Variants in ACVR1C observed in about 807,000 individuals in gnomAD.
ACVR1C encodes activin A receptor type 1C, also known as activin receptor type-1C.
ACVR1C carries 23 observed loss-of-function variants against 57.9 expected under a neutral mutation model. The observed-to-expected ratio is 0.40, with a 90% confidence interval of 0.29 to 0.56. ACVR1C has a LOEUF of 0.56. ACVR1C is among the 20% of genes least tolerant of loss of function. The probability of loss-of-function intolerance (pLI) is 0.50; values close to 1 mark genes in which losing one functional copy is unlikely to be tolerated. For synonymous variants in ACVR1C, 214 were observed against 215.3 expected, an observed-to-expected ratio of 0.99 and a Z score of 0.05; for missense variants, 480 against 607.9, an observed-to-expected ratio of 0.79 and a Z score of 2.21.
At chr2:157,628,089 T>C (rs1682943544) in intron 1 of ACVR1C, among the ~76,000 whole-genome samples, 1 of 151,986 alleles carries the variant, frequency 6.6e-6, no homozygotes, top group Admixed American at 6.5e-5. Flanking sequence ...ATTCCCCGCC[T>C]CCTAAAACTC....
At chr2:157,544,218 T>C (rs2105209553) in intron 5 of ACVR1C, among the ~76,000 whole-genome samples, 1 of 148,888 alleles carries the variant, frequency 6.7e-6, no homozygotes, top group South Asian at 2.1e-4. Flanking sequence ...TTTTTTTTTT[T>C]TTTTTTGGTA....
chr2:157,574,408 G>A (rs1688595711), intron 2 of ACVR1C, among the ~76,000 whole-genome samples: 1 of 152,108 alleles, frequency 6.6e-6, no homozygotes, highest in South Asian at 2.1e-4. Context: ...ACCTAATCAA[G>A]TCAAAAGACT....
intron 1 of ACVR1C, among the ~76,000 whole-genome samples, chr2:157,615,862 T>A (rs1471631307): frequency 6.6e-6 from 1 of 152,230 alleles, no homozygotes; most frequent in Admixed American, 6.5e-5. Flanking sequence ...AGAAGTCTGC[T>A]GCAATTCTTA....
At chr2:157,610,265 C>T (rs1360112260) in intron 1 of ACVR1C, among the ~76,000 whole-genome samples, 1 of 152,100 alleles carries the variant, frequency 6.6e-6, no homozygotes, top group Non-Finnish European at 1.5e-5. Flanking sequence ...ATTTGCTTAT[C>T]TAAGAAGGAC....
chr2:157,534,140 C>A, intron 8 of ACVR1C, 97 bp from the exon 9 acceptor site: 3 of 840,198 alleles, frequency 3.6e-6, no homozygotes, highest in Non-Finnish European at 4.7e-6. Context: ...TGATGCTAAG[C>A]TTTTTTTTTT....
chr2:157,605,221 T>C (rs1338371258), intron 1 of ACVR1C, among the ~76,000 whole-genome samples: 1 of 151,778 alleles, frequency 6.6e-6, no homozygotes, highest in Non-Finnish European at 1.5e-5. Context: ...GGTCTATTTC[T>C]GGTTATTCTA....
In ACVR1C at chr2:157,628,625, G is replaced by A; in HGVS notation, c.20C>T (p.Ser7Leu). The change falls in exon 1 of 9, where the codon TCA becomes TTA. Residue 7 changes from serine to leucine, a missense_variant. Transcript: ENST00000243349. ...CAGCAGGAGAGCCTGGCGGAGCGCT[G>A]AGCAGAGCGCCCGGGTCATCGCCAC... The part of the protein sequence containing the change: MTRALC[S>L]ALRQALLLLA... 6.3e-7 allele frequency: 1 copy of A among 1,594,226 alleles called. No homozygotes were observed. Among genetic ancestry groups the A allele is most frequent in the Non-Finnish European group, 8.5e-7 (1 of 1,171,594 alleles).
In ACVR1C at chr2:157,527,833, C is replaced by T. The variant is rs1217135904; in HGVS notation, c.*6085G>A. 1 of 152,122 alleles carries T rather than the reference C, an allele frequency of 6.6e-6. No homozygotes were observed. The highest frequency in any genetic ancestry group is 1.5e-5 in the Non-Finnish European group (1 of 68,010). The allele number at this position is 152,122 out of a possible 1,614,324, so 9.4% of individuals were successfully genotyped here. ...GCATTTGTTAGACAAAATTTAGGCACACAATCCTCTCTTTACAGGCAAAGT... is the reference window on the plus strand; with the variant it reads ...GCATTTGTTAGACAAAATTTAGGCATACAATCCTCTCTTTACAGGCAAAGT... On this transcript the variant is annotated 3_prime_UTR_variant, in exon 9 of 9. Coordinates refer to ENST00000243349, the MANE Select transcript of ACVR1C (RefSeq NM_145259.3).
At chr2:157,595,954 T>C (rs1037975039) in intron 1 of ACVR1C, among the ~76,000 whole-genome samples, 12 of 152,258 alleles carry the variant, frequency 7.9e-5, no homozygotes, top group East Asian at 3.8e-4. Context: ...TCACAATCTG[T>C]AATTCGCTTT....
chr2:157,550,487 T>A, intron 3 of ACVR1C, 95 bp from the exon 4 acceptor site: 2 of 1,085,672 alleles, frequency 1.8e-6, no homozygotes, highest in Non-Finnish European at 2.7e-6. Context: ...AAGCAAACAT[T>A]TAAATGCTTT....
intron 4 of ACVR1C, among the ~76,000 whole-genome samples, chr2:157,549,077 C>A (rs763088314): frequency 5.3e-5 from 8 of 152,142 alleles, no homozygotes; most frequent in Non-Finnish European, 1.0e-4. Context: ...ACTCCTGGGC[C>A]AGGCGGGGTG....
intron 2 of ACVR1C, among the ~76,000 whole-genome samples, chr2:157,561,835 T>C (rs1688234802): frequency 1.3e-5 from 2 of 152,210 alleles, no homozygotes; most frequent in Admixed American, 1.3e-4. Context: ...ACTAAGTTGG[T>C]TCAAAGATTA....
intron 1 of ACVR1C, among the ~76,000 whole-genome samples, chr2:157,593,189 G>A (rs1263951937): frequency 6.6e-6 from 1 of 152,102 alleles, no homozygotes; most frequent in Non-Finnish European, 1.5e-5. Context: ...ACATGTGATG[G>A]CTAGCACACC....
At chr2:157,587,480 T>TA in intron 1 of ACVR1C, 63 bp from the exon 2 acceptor site, 1 of 1,170,940 alleles carries the variant, frequency 8.5e-7, no homozygotes, top group East Asian at 2.3e-5. Context: ...TATTTGATAA[T>TA]ACCTGGGAAT....
chr2:157,547,599 G>C (rs1687796853), intron 4 of ACVR1C, among the ~76,000 whole-genome samples: 1 of 142,812 alleles, frequency 7.0e-6, no homozygotes, highest in Non-Finnish European at 1.5e-5. Flanking sequence ...TGTGTTTTTT[G>C]GCTGCATAAA....
chr2:157,554,201 G>GAAAGAA (rs1388320584), intron 3 of ACVR1C, among the ~76,000 whole-genome samples: 1 of 41,440 alleles, frequency 2.4e-5, no homozygotes, highest in African/African-American at 1.4e-4. Context: ...ATAAAGAAGA[G>GAAAGAA]AGAAAGAAAG....
At chr2:157,535,447 AAAAGG>A (rs1202821197) in intron 8 of ACVR1C, among the ~76,000 whole-genome samples, 1 of 152,214 alleles carries the variant, frequency 6.6e-6, no homozygotes, top group Non-Finnish European at 1.5e-5. Context: ...ATATATTTTT[AAAAGG>A]AAAGAGAAAT....
chr2:157,597,661 C>A (rs367655586), intron 1 of ACVR1C: 91 of 652,458 alleles, frequency 1.4e-4, no homozygotes, highest in East Asian at 1.2e-3. Context: ...GACCTCCACT[C>A]CGGATTAGCA....
intron 2 of ACVR1C, among the ~76,000 whole-genome samples, chr2:157,576,835 C>CTTTTTTTTTTTTT (rs1166673398): frequency 9.6e-5 from 4 of 41,716 alleles, no homozygotes; most frequent in African/African-American, 2.7e-4. Flanking sequence ...TTGAAATTTT[C>CTTTTTTTTTTTTT]TTTTTTTTTT....
Sources: allele counts gnomAD v4.1 joint callset (sites outside exome capture counted in the v4.1 genomes callset), GRCh38; gene constraint gnomAD v4.1.1; transcripts MANE v1.5; gene names NCBI Gene and HGNC (gene_info 2026-07-23, HGNC 2026-07-21).